The following DOCK1 variants were observed in gnomAD, a reference collection of about 807,000 sequenced individuals.
The protein encoded by DOCK1 is dedicator of cytokinesis 1.
A neutral mutation model predicts 262.7 loss-of-function variants in DOCK1; 138 were observed. The ratio of observed to expected loss-of-function variants is 0.53; its 90% CI spans 0.46 to 0.61. The LOEUF is 0.61. DOCK1 is among the 20% of genes least tolerant of loss of function. The probability of loss-of-function intolerance (pLI) is 0.00; values close to 1 mark genes in which losing one functional copy is unlikely to be tolerated. For missense variants in DOCK1, 1,908 were observed against 2,370.7 expected, an observed-to-expected ratio of 0.80 and a Z score of 4.05; for synonymous variants, 866 against 867.4, an observed-to-expected ratio of 1.00 and a Z score of 0.03.
chr10:127,026,948 C>T (rs1394264524), intron 16 of DOCK1, among the ~76,000 whole-genome samples: 1 of 152,240 alleles, frequency 6.6e-6, no homozygotes, highest in Non-Finnish European at 1.5e-5. Context: ...TTATTGATGA[C>T]TGAAATTTGT....
intron 29 of DOCK1, among the ~76,000 whole-genome samples, chr10:127,292,761 C>T (rs7088413): frequency 0.029 from 4,401 of 152,126 alleles, 207 homozygotes; most frequent in African/African-American, 0.1. Flanking sequence ...AAGTCGTTCC[C>T]GCAGCTCCAC....
At chr10:126,970,150 T>C (rs1185073618) in intron 1 of DOCK1, among the ~76,000 whole-genome samples, 2 of 152,124 alleles carry the variant, frequency 1.3e-5, no homozygotes, top group Admixed American at 1.3e-4. Context: ...GGGGCTTATG[T>C]AGGAGCACTA....
At chr10:127,329,653 C>T (rs1378340116) in intron 29 of DOCK1, among the ~76,000 whole-genome samples, 1 of 152,094 alleles carries the variant, frequency 6.6e-6, no homozygotes, top group Non-Finnish European at 1.5e-5. Context: ...AGAGACTTCT[C>T]ACTTCCTGAT....
At chr10:127,398,558 T>A (rs1280535449) in intron 38 of DOCK1, among the ~76,000 whole-genome samples, 1 of 152,236 alleles carries the variant, frequency 6.6e-6, no homozygotes, top group African/African-American at 2.4e-5. Flanking sequence ...TAATCCATTT[T>A]GATGTCAGAG....
chr10:126,946,794 GTTTAA>G (rs2035445629), intron 1 of DOCK1, among the ~76,000 whole-genome samples: 2 of 152,168 alleles, frequency 1.3e-5, no homozygotes, highest in Admixed American at 1.3e-4. Context: ...GCCACATTTT[GTTTAA>G]TTTGTTCATC....
At chr10:127,404,660 T>C (rs2067414482) in intron 40 of DOCK1, among the ~76,000 whole-genome samples, 1 of 152,172 alleles carries the variant, frequency 6.6e-6, no homozygotes, top group South Asian at 2.1e-4. Context: ...CTTCAGAGAT[T>C]TACACGTATT....
chr10:127,149,650 A>G (rs898516721), intron 27 of DOCK1, among the ~76,000 whole-genome samples: 2 of 152,172 alleles, frequency 1.3e-5, no homozygotes, highest in African/African-American at 4.8e-5. Flanking sequence ...AATGCAAGAC[A>G]GGCAGGGTCA....
intron 1 of DOCK1, among the ~76,000 whole-genome samples, chr10:126,936,603 T>G (rs2034572390): frequency 6.6e-6 from 1 of 152,180 alleles, no homozygotes; most frequent in South Asian, 2.1e-4. Flanking sequence ...AACCTGTAGT[T>G]TGCCCACCTC....
intron 29 of DOCK1, among the ~76,000 whole-genome samples, chr10:127,282,711 A>G (rs1177677937): frequency 1.3e-5 from 2 of 152,264 alleles, no homozygotes; most frequent in Non-Finnish European, 2.9e-5. Context: ...TTGGTTGGGT[A>G]ACAAGCATTC....
intron 27 of DOCK1, among the ~76,000 whole-genome samples, chr10:127,167,863 C>A (rs1019754089): frequency 2.6e-5 from 4 of 152,226 alleles, no homozygotes; most frequent in Non-Finnish European, 5.9e-5. Context: ...GCAAGAAAAT[C>A]TCTTCCCTGT....
At chr10:127,080,168 G>A in intron 23 of DOCK1, among the ~76,000 whole-genome samples, 1 of 152,090 alleles carries the variant, frequency 6.6e-6, no homozygotes, top group East Asian at 1.9e-4. Context: ...GGAGAATTAA[G>A]TCTTTTCAGG....
At chr10:126,924,480 G>C (rs1288745480) in intron 1 of DOCK1, among the ~76,000 whole-genome samples, 2 of 151,010 alleles carry the variant, frequency 1.3e-5, no homozygotes, top group Non-Finnish European at 1.5e-5. Flanking sequence ...AACTCAGTAG[G>C]GGGAGGCTGT....
chr10:127,003,627 G>A (rs1242136376), intron 10 of DOCK1, among the ~76,000 whole-genome samples: 1 of 152,142 alleles, frequency 6.6e-6, no homozygotes, highest in East Asian at 1.9e-4. Flanking sequence ...AGAGGGGCCA[G>A]CCTTCCTAGC....
intron 29 of DOCK1, among the ~76,000 whole-genome samples, chr10:127,297,301 G>A (rs570380392): frequency 2.0e-5 from 3 of 152,266 alleles, no homozygotes; most frequent in Admixed American, 6.5e-5. Flanking sequence ...GTGGAGGGAC[G>A]AATCCATAGC....
At chr10:127,240,776 G>A (rs2059237841) in intron 27 of DOCK1, among the ~76,000 whole-genome samples, 1 of 152,152 alleles carries the variant, frequency 6.6e-6, no homozygotes, top group African/African-American at 2.4e-5. Flanking sequence ...GAAAACACAT[G>A]TGTGAGAAAA....
At chr10:127,208,359 C>T (rs2057815876) in intron 27 of DOCK1, among the ~76,000 whole-genome samples, 1 of 152,142 alleles carries the variant, frequency 6.6e-6, no homozygotes. Flanking sequence ...TTTTCATCTC[C>T]AGCTGATTGA....
At chr10:126,966,180 GA>G (rs1485375327) in intron 1 of DOCK1, among the ~76,000 whole-genome samples, 1 of 152,106 alleles carries the variant, frequency 6.6e-6, no homozygotes, top group Non-Finnish European at 1.5e-5. Flanking sequence ...ATGTTGTTGG[GA>G]ATGACAAGAT....
intron 1 of DOCK1, among the ~76,000 whole-genome samples, chr10:126,907,896 A>C (rs2031154280): frequency 6.6e-6 from 1 of 152,226 alleles, no homozygotes; most frequent in Admixed American, 6.5e-5. Flanking sequence ...AATTTAAAAA[A>C]GTTAAAAAAA....
At chr10:127,127,638 T>C (rs1350461086) in intron 26 of DOCK1, 31 bp from the exon 27 acceptor site, 1 of 1,547,510 alleles carries the variant, frequency 6.5e-7, no homozygotes, top group South Asian at 1.1e-5. Flanking sequence ...GTTTCTCTGG[T>C]GTTGGTGTTC....
Sources: allele counts gnomAD v4.1 joint callset (sites outside exome capture counted in the v4.1 genomes callset), GRCh38; gene constraint gnomAD v4.1.1; transcripts MANE v1.5; gene names NCBI Gene and HGNC (gene_info 2026-07-23, HGNC 2026-07-21).